The following PRELID2 variants were observed in gnomAD, a reference collection of about 807,000 sequenced individuals.
PRELID2 encodes the protein PRELI domain-containing protein 2.
A neutral mutation model predicts 28.4 loss-of-function variants in PRELID2; 25 were observed. That is an observed-to-expected ratio of 0.88 (90% CI 0.64 to 1.23). The LOEUF (loss-of-function observed/expected upper bound fraction) is 1.23, where lower values mean the gene tolerates loss of function less well. PRELID2 is among the 50% of genes most tolerant of loss of function. The pLI is 0.00. For missense variants in PRELID2, 201 were observed against 214.4 expected (o/e 0.94, Z 0.39); for synonymous variants, 76 against 71.6 (o/e 1.06, Z -0.31).
the PRELID2 span, among the ~76,000 whole-genome samples, chr5:145,326,757 A>T: frequency 6.6e-6 from 1 of 152,130 alleles, no homozygotes; most frequent in Non-Finnish European, 1.5e-5. Context: ...CCTACCACAC[A>T]CTATCAAAAT....
intron 1 of PRELID2, among the ~76,000 whole-genome samples, chr5:145,491,439 T>C (rs892691950): frequency 1.3e-5 from 2 of 152,180 alleles, no homozygotes; most frequent in East Asian, 1.9e-4. Context: ...AATTGACAGA[T>C]GAAATTGTAT....
chr5:145,415,014 C>T, the PRELID2 span, among the ~76,000 whole-genome samples: 1 of 152,130 alleles, frequency 6.6e-6, no homozygotes, highest in Non-Finnish European at 1.5e-5. Context: ...ATCTATAGAA[C>T]TCTCCACCCC....
At chr5:145,621,486 T>G (rs1251458141) in intron 1 of PRELID2, among the ~76,000 whole-genome samples, 4 of 152,102 alleles carry the variant, frequency 2.6e-5, no homozygotes, top group Non-Finnish European at 5.9e-5. Flanking sequence ...GCCAAAAAAG[T>G]AGACACAACC....
chr5:145,834,115 A>G (rs1011485898), intron 1 of PRELID2, among the ~76,000 whole-genome samples: 11 of 152,260 alleles, frequency 7.2e-5, no homozygotes, highest in Non-Finnish European at 1.6e-4. Context: ...AGAGTTCATT[A>G]TCTGTATTGA....
the PRELID2 span, among the ~76,000 whole-genome samples, chr5:145,392,679 AAGAG>A: frequency 6.6e-6 from 1 of 152,064 alleles, no homozygotes; most frequent in South Asian, 2.1e-4. Flanking sequence ...AAGAGAAAGA[AAGAG>A]AGAGGGAGGA....
At chr5:145,316,111 A>C in the PRELID2 span, among the ~76,000 whole-genome samples, 1 of 152,184 alleles carries the variant, frequency 6.6e-6, no homozygotes, top group Admixed American at 6.5e-5. Flanking sequence ...CCATGGTAGA[A>C]TATTTACACC....
chr5:145,332,774 C>T, the PRELID2 span, among the ~76,000 whole-genome samples: 4 of 151,904 alleles, frequency 2.6e-5, no homozygotes, highest in African/African-American at 4.8e-5. Context: ...TCTGTCAATT[C>T]GTCAAACTCA....
chr5:145,584,600 C>A (rs537517648), intron 1 of PRELID2, among the ~76,000 whole-genome samples: 4 of 152,024 alleles, frequency 2.6e-5, no homozygotes, highest in Non-Finnish European at 4.4e-5. Flanking sequence ...AAAAAACAAA[C>A]AACCCCACTA....
At chr5:145,690,161 T>C (rs1755118453) in intron 1 of PRELID2, among the ~76,000 whole-genome samples, 1 of 151,878 alleles carries the variant, frequency 6.6e-6, no homozygotes, top group Admixed American at 6.6e-5. Context: ...CCGGCTACTT[T>C]TTGTATTTTT....
intron 1 of PRELID2, among the ~76,000 whole-genome samples, chr5:145,652,385 A>C (rs898860239): frequency 6.6e-6 from 1 of 152,232 alleles, no homozygotes; most frequent in Admixed American, 6.5e-5. Flanking sequence ...ATTCAAATTC[A>C]GGAAATACAG....
At chr5:145,683,928 A>C (rs948461804) in intron 1 of PRELID2, among the ~76,000 whole-genome samples, 6 of 152,232 alleles carry the variant, frequency 3.9e-5, no homozygotes, top group Middle Eastern at 3.4e-3. Flanking sequence ...TTTTAATAGC[A>C]CTGCCTCTAC....
At chr5:145,741,978 A>T (rs1164859017) in intron 1 of PRELID2, among the ~76,000 whole-genome samples, 1 of 32,378 alleles carries the variant, frequency 3.1e-5, no homozygotes, top group Admixed American at 4.3e-4. Flanking sequence ...AAATTTATTT[A>T]ATTATAATAA....
In PRELID2 at chr5:145,613,478, T is replaced by A. The variant is rs530635146; in HGVS notation, n.71-140163A>T. ...CCCCACAACAGGCCCCGCTATGTGA[T>A]GTTCCCCTTCCTGTGTCCAAGTGTT... On this transcript the variant is annotated intron_variant and non_coding_transcript_variant, in intron 1 of 2. Transcript: ENST00000510259. Among the ~76,000 whole-genome samples the A allele has an allele frequency of 4.8e-5, 6 of 124,694 alleles. No homozygotes were observed. In the South Asian group the frequency reaches 1.6e-3, roughly 33 times the overall value. 81.8% of individuals were successfully genotyped at this position (124,694 alleles called of 152,430 possible).
chr5:145,588,658 C>T (rs1224032114), intron 1 of PRELID2, among the ~76,000 whole-genome samples: 3 of 152,018 alleles, frequency 2.0e-5, no homozygotes, highest in Non-Finnish European at 4.4e-5. Flanking sequence ...CAGGTCAGTC[C>T]TACCTCATGC....
intron 1 of PRELID2, among the ~76,000 whole-genome samples, chr5:145,566,866 CAAGAGAAAGAGA>C (rs1222391229): frequency 6.7e-6 from 1 of 148,316 alleles, no homozygotes; most frequent in Non-Finnish European, 1.5e-5. Context: ...AAAGAGAGAG[CAAGAGAAAGAGA>C]AAGAAAAGGT....
chr5:145,261,768 T>C, the PRELID2 span, among the ~76,000 whole-genome samples: 1 of 152,174 alleles, frequency 6.6e-6, no homozygotes, highest in African/African-American at 2.4e-5. Flanking sequence ...ATTCTGGTAC[T>C]ATGACAACAA....
chr5:145,823,977 G>A (rs2149875765), intron 1 of PRELID2, among the ~76,000 whole-genome samples: 1 of 152,256 alleles, frequency 6.6e-6, no homozygotes, highest in Non-Finnish European at 1.5e-5. Context: ...TCCAGCTAAT[G>A]AATAGTGTAT....
chr5:145,306,290 A>T, the PRELID2 span, among the ~76,000 whole-genome samples: 11 of 152,326 alleles, frequency 7.2e-5, no homozygotes, highest in African/African-American at 2.4e-4. Flanking sequence ...ACTTGTTTAC[A>T]TTGGTAACTA....
chr5:145,309,015 T>C, the PRELID2 span, among the ~76,000 whole-genome samples: 2 of 152,172 alleles, frequency 1.3e-5, no homozygotes, highest in African/African-American at 4.8e-5. Context: ...GAGTCTGAGG[T>C]CTCTTTTGTA....
Sources: gnomAD v4.1 joint callset for allele counts (sites outside exome capture counted in the v4.1 genomes callset) on GRCh38, gnomAD v4.1.1 for gene constraint, MANE v1.5 for transcripts, NCBI Gene and HGNC (gene_info 2026-07-23, HGNC 2026-07-21) for gene names.